The following NKX2-6 variants were observed in gnomAD, a reference collection of about 807,000 sequenced individuals.
The protein encoded by NKX2-6 is homeobox protein Nkx-2.6.
Under a neutral mutation model 8.6 loss-of-function variants are expected in NKX2-6, and 8 were observed. The ratio of observed to expected loss-of-function variants is 0.93; its 90% confidence interval spans 0.54 to 1.67. The LOEUF (loss-of-function observed/expected upper bound fraction) is 1.67, where lower values mean the gene tolerates loss of function less well. Ranked by LOEUF, NKX2-6 falls within the 40% of genes most tolerant of loss-of-function variation. NKX2-6 has a pLI of 0.00. For synonymous variants in NKX2-6, 210 were observed against 199.3 expected (o/e 1.05, Z -0.45); for missense variants, 475 against 423.1 (o/e 1.12, Z -1.08).
At chr8:23,706,272 G>A (rs968405314) in intron 1 of NKX2-6, 53 bp downstream of exon 1, 4 of 1,468,894 alleles carry the variant, frequency 2.7e-6, no homozygotes, top group East Asian at 5.0e-5. Context: ...CATGGATCAC[G>A]CCCCCGCCCC....
chr8:23,702,690 G>A lies in NKX2-6; in HGVS notation c.667C>T (p.Pro223Ser). Reference sequence around the variant, plus strand: ...GGGAAGGCAGGTGCGCCGGGCCCGGGGCCCAGGCAGGGCTTGCCATCGCGC... The same window carrying A: ...GGGAAGGCAGGTGCGCCGGGCCCGGAGCCCAGGCAGGGCTTGCCATCGCGC... Reference protein sequence around the residue: ...LVRDGKPCLGPGPGAPAFPSP... With the variant: ...LVRDGKPCLGSGPGAPAFPSP... The change falls in exon 2 of 2, where the codon CCC becomes TCC. Residue 223 changes from proline (P) to serine (S), a missense_variant. Pro to Ser is a moderately conservative substitution (Grantham distance 74, BLOSUM62 -1). Coordinates refer to ENST00000325017, the MANE Select transcript of NKX2-6 (RefSeq NM_001136271.3). 6.4e-7 allele frequency: 1 copy of A among 1,551,152 alleles called. No homozygotes were observed. Among genetic ancestry groups the A allele is most frequent in the Middle Eastern group, 1.7e-4 (1 of 5,992 alleles).
chr8:23,703,187 G>A (rs1490028535), intron 1 of NKX2-6, 105 bp from the exon 2 acceptor site: 5 of 1,328,126 alleles, frequency 3.8e-6, no homozygotes, highest in Non-Finnish European at 5.0e-6. Flanking sequence ...TTCACTCTGC[G>A]CAGGCTCCTC....
At position 23,702,751 on chromosome 8, in the gene NKX2-6, A is replaced by G; in HGVS notation, c.606T>C (p.Pro202=). The change falls in exon 2 of 2, where the codon CCT becomes CCC. Residue 202 remains proline, a synonymous_variant. Coordinates refer to ENST00000325017, the MANE Select transcript of NKX2-6 (RefSeq NM_001136271.3). ...GCACAGCTACTCGGCGCGGCGTTAG[A>G]GGGTGGCCAGCCAGTTCCAGCGACT... ...QDKSLELAGH[P]LTPRRVAVPV... is the part of the protein sequence containing the mutation. 1 of 1,552,682 alleles carries G rather than the reference A, an allele frequency of 6.4e-7. No homozygotes were observed. Among genetic ancestry groups the G allele is most frequent in the Non-Finnish European group, 8.7e-7 (1 of 1,147,506 alleles).
At chr8:23,705,102 G>T (rs1253030380) in intron 1 of NKX2-6, among the ~76,000 whole-genome samples, 3 of 152,238 alleles carry the variant, frequency 2.0e-5, no homozygotes, top group Admixed American at 2.0e-4. Flanking sequence ...GGAAGGCGCC[G>T]CAAATACCAT....
chr8:23,706,499 C>T lies in NKX2-6; in HGVS notation c.100G>A (p.Val34Met), dbSNP rs1291156587. The T allele has an allele frequency of 6.5e-7, 1 of 1,538,992 alleles. No individual in the cohort carries two copies. The highest frequency in any genetic ancestry group is 8.7e-7 in the Non-Finnish European group (1 of 1,146,936). The change falls in exon 1 of 2, where the codon GTG becomes ATG. Residue 34 changes from valine (V) to methionine (M), a missense_variant. Val to Met is a conservative substitution (Grantham distance 21). Transcript: ENST00000325017. ...TGAAAGTTTTCCGGGCTCTTCCGCACCCGCGGATGTGGCGAAGCCGCGGGG... is the reference window on the plus strand; with the variant it reads ...TGAAAGTTTTCCGGGCTCTTCCGCATCCGCGGATGTGGCGAAGCCGCGGGG... The part of the protein sequence containing the change: ...SCPAASPHPR[V>M]RKSPENFQYL...
intron 1 of NKX2-6, among the ~76,000 whole-genome samples, chr8:23,706,069 AATCAGAGG>A (rs1305656944): frequency 2.0e-5 from 3 of 152,066 alleles, no homozygotes; most frequent in Admixed American, 1.3e-4. Flanking sequence ...CGTTTGTGGG[AATCAGAGG>A]AGCGGATTTG....
In NKX2-6 at chr8:23,706,585, G is replaced by A. The variant is rs1425164501; in HGVS notation, c.14C>T (p.Pro5Leu). 2.6e-6 allele frequency: 4 copies of A among 1,535,138 alleles called. No individual in the cohort carries two copies. In the African/African-American group the frequency reaches 5.5e-5, roughly 21 times the overall value. MLLS[P>L]VTSTPFSVKD... is the part of the protein sequence containing the mutation. ...GACCGAGAAGGGGGTGGAGGTGACGGGGCTCAGCAGCATCCCGAAGGCGGA... is the reference window on the plus strand; with the variant it reads ...GACCGAGAAGGGGGTGGAGGTGACGAGGCTCAGCAGCATCCCGAAGGCGGA... Residue 5 changes from proline to leucine, a missense_variant, in exon 1 of 2, where the codon CCC becomes CTC. Pro to Leu is a moderately conservative substitution (Grantham distance 98, BLOSUM62 -3). Coordinates refer to ENST00000325017, the MANE Select transcript of NKX2-6 (RefSeq NM_001136271.3).
intron 1 of NKX2-6, among the ~76,000 whole-genome samples, chr8:23,705,618 C>G (rs1801078059): frequency 6.6e-6 from 1 of 152,230 alleles, no homozygotes; most frequent in Non-Finnish European, 1.5e-5. Flanking sequence ...CCTCGCAGCC[C>G]GGCGCGCACG....
At position 23,701,939 on chromosome 8, in the gene NKX2-6, T is replaced by C. The variant is rs2117592961; in HGVS notation, c.*512A>G. Among the ~76,000 whole-genome samples, 1 of 152,284 alleles carries C rather than the reference T, an allele frequency of 6.6e-6. No homozygotes were observed. Among genetic ancestry groups the C allele is most frequent in the Middle Eastern group, 3.4e-3 (1 of 294 alleles). ...CCAAAGGAAGAGGCTCAAAGCAGGT[T>C]ACTCTTCGTGAACTTCCCGGATCCT... On this transcript the variant is annotated 3_prime_UTR_variant, in exon 2 of 2. Transcript: ENST00000325017.
rs375728930 is a variant in NKX2-6, at chr8:23,706,563, C to A, written c.36G>T (p.Ser12=). The change falls in exon 1 of 2, where the codon TCG becomes TCT. Residue 12 remains serine (S), a synonymous_variant. Transcript: ENST00000325017. ...LLSPVTSTPF[S]VKDILRLERE... Reference sequence around the variant, plus strand: ...GCTCCAGTCGCAGGATGTCCTTGACCGAGAAGGGGGTGGAGGTGACGGGGC... The same window carrying A: ...GCTCCAGTCGCAGGATGTCCTTGACAGAGAAGGGGGTGGAGGTGACGGGGC... The A allele has an allele frequency of 1.3e-6, 2 of 1,536,188 alleles. No homozygotes were observed. The highest frequency in any genetic ancestry group is 1.7e-6 in the Non-Finnish European group (2 of 1,146,902).
intron 1 of NKX2-6, among the ~76,000 whole-genome samples, chr8:23,705,454 G>A (rs935537144): frequency 6.6e-6 from 1 of 152,242 alleles, no homozygotes; most frequent in Non-Finnish European, 1.5e-5. Context: ...GAGGTGCTGA[G>A]GTTTGGAGAG....
intron 1 of NKX2-6, among the ~76,000 whole-genome samples, chr8:23,703,578 C>T (rs541914669): frequency 6.6e-6 from 1 of 152,280 alleles, no homozygotes; most frequent in South Asian, 2.1e-4. Context: ...TGCCTGTAGT[C>T]CCAGCTACTC....
In NKX2-6 at chr8:23,706,416, G is replaced by T. The variant is rs139466287; in HGVS notation, c.183C>A (p.Gly61=). Residue 61 remains glycine (G), a synonymous_variant, in exon 1 of 2, where the codon GGC becomes GGA. Coordinates refer to ENST00000325017, the MANE Select transcript of NKX2-6 (RefSeq NM_001136271.3). ...AACCATCCAGCTTTCTGTCACCGCCGCCGCCACCAGCGTTGTGAACCTCTG... is the reference window on the plus strand; with the variant it reads ...AACCATCCAGCTTTCTGTCACCGCCTCCGCCACCAGCGTTGTGAACCTCTG... ...RGSEVHNAGG[G]GGDRKLDGSE... 2 of 1,550,454 alleles carry T rather than the reference G, an allele frequency of 1.3e-6. No individual in the cohort carries two copies. Among genetic ancestry groups the T allele is most frequent in the Non-Finnish European group, 1.7e-6 (2 of 1,147,002 alleles).
chr8:23,702,688 G>T lies in NKX2-6; in HGVS notation c.669C>A (p.Pro223=). Residue 223 remains proline, a synonymous_variant, in exon 2 of 2, where the codon CCC becomes CCA. Coordinates refer to ENST00000325017, the MANE Select transcript of NKX2-6 (RefSeq NM_001136271.3). ...LVRDGKPCLG[P]GPGAPAFPSP... ...TGGGGAAGGCAGGTGCGCCGGGCCC[G>T]GGGCCCAGGCAGGGCTTGCCATCGC... 4 of 1,550,984 alleles carry T rather than the reference G, an allele frequency of 2.6e-6. No individual in the cohort carries two copies. In the Middle Eastern group the frequency reaches 6.7e-4, roughly 259 times the overall value.
rs1016865170 is a variant in NKX2-6 at position 23,701,825 on chromosome 8, C to A, written c.*626G>T. The stretch of plus-strand genomic sequence containing the variant: ...GAAAGGGACCAGAATGTAGAGCCTA[C>A]TTCCAGGAGAGCAGTCGTGGCCAGA... On this transcript the variant is annotated 3_prime_UTR_variant, in exon 2 of 2. Coordinates refer to ENST00000325017, the MANE Select transcript of NKX2-6 (RefSeq NM_001136271.3). 6.6e-6 allele frequency among the ~76,000 whole-genome samples: 1 copy of A among 152,130 alleles called. No homozygotes were observed. The highest frequency in any genetic ancestry group is 2.4e-5 in the African/African-American group (1 of 41,386).
intron 1 of NKX2-6, 135 bp downstream of exon 1, chr8:23,706,190 T>A (rs144684093): frequency 1.1e-6 from 1 of 947,920 alleles, no homozygotes; most frequent in Non-Finnish European, 1.5e-6. Flanking sequence ...GAGGCCTTTT[T>A]TTGGACTCCT....
At chr8:23,703,932 G>C (rs78818222) in intron 1 of NKX2-6, among the ~76,000 whole-genome samples, 2,634 of 152,212 alleles carry the variant, frequency 0.017, 79 homozygotes, top group African/African-American at 0.061. Context: ...CGGGTGTCAA[G>C]AAGGCGCAAA....
In NKX2-6 at chr8:23,702,925, C is replaced by A; in HGVS notation, c.432G>T (p.Val144=). Reference sequence around the variant, plus strand: ...GCTTGAAGCGCCGCTCCAGGGCCAGCACCTGCGCCTGCGAAAAGAGCACGC... The same window carrying A: ...GCTTGAAGCGCCGCTCCAGGGCCAGAACCTGCGCCTGCGAAAAGAGCACGC... The part of the protein sequence containing the change: ...KPRVLFSQAQ[V]LALERRFKQQ... Residue 144 remains valine, a synonymous_variant, in exon 2 of 2, where the codon GTG becomes GTT. Coordinates refer to ENST00000325017, the MANE Select transcript of NKX2-6 (RefSeq NM_001136271.3). 6.5e-7 allele frequency: 1 copy of A among 1,550,380 alleles called. No homozygotes were observed. The highest frequency in any genetic ancestry group is 8.7e-7 in the Non-Finnish European group (1 of 1,146,648).
Position 23,702,947 on chromosome 8 carries a change from A to C in NKX2-6, c.410T>G (p.Val137Gly), listed in dbSNP as rs1383740421. 17 of 1,548,304 alleles carry C rather than the reference A, an allele frequency of 1.1e-5. No homozygotes were observed. Among genetic ancestry groups the C allele is most frequent in the Non-Finnish European group, 1.4e-5 (16 of 1,145,808 alleles). Residue 137 changes from valine to glycine, a missense_variant, in exon 2 of 2, where the codon GTG becomes GGG. Physicochemically the swap from Val to Gly is moderately radical, Grantham distance 109 (BLOSUM62 -3). Transcript: ENST00000325017. ...PKARQRRKPR[V>G]LFSQAQVLAL... Reference sequence around the variant, plus strand: ...CAGCACCTGCGCCTGCGAAAAGAGCACGCGCGGCTTCCGTCGTTGCCGCGC... The same window carrying C: ...CAGCACCTGCGCCTGCGAAAAGAGCCCGCGCGGCTTCCGTCGTTGCCGCGC...
Sources: allele counts gnomAD v4.1 joint callset (sites outside exome capture counted in the v4.1 genomes callset), GRCh38; gene constraint gnomAD v4.1.1; transcripts MANE v1.5; gene names NCBI Gene and HGNC (gene_info 2026-07-23, HGNC 2026-07-21).